Variants in GLDC observed in about 807,000 individuals in gnomAD.
GLDC encodes glycine dehydrogenase (decarboxylating), mitochondrial.
In GLDC, 104 loss-of-function variants were observed where a neutral mutation model predicts 121.3. The ratio of observed to expected loss-of-function variants is 0.86; its 90% CI spans 0.73 to 1.01. The LOEUF (loss-of-function observed/expected upper bound fraction) is 1.01, where lower values mean the gene tolerates loss of function less well. Ranked by LOEUF, GLDC falls within the 50% of genes least tolerant of loss-of-function variation. The pLI is 0.00. For missense variants in GLDC, 1,429 were observed against 1,306.6 expected (o/e 1.09, Z -1.44); for synonymous variants, 546 against 480.6 (o/e 1.14, Z -1.78).
chr9:6,575,862 T>C (rs570238335), intron 15 of GLDC, among the ~76,000 whole-genome samples: 8 of 152,210 alleles, frequency 5.3e-5, no homozygotes, highest in Non-Finnish European at 8.8e-5. Context: ...CAAAGTGTTA[T>C]GGAGAAAAAG....
intron 18 of GLDC, chr9:6,555,011 T>A (rs753857149): frequency 1.4e-5 from 8 of 591,976 alleles, no homozygotes; most frequent in African/African-American, 3.7e-5. Flanking sequence ...ACTGACCATT[T>A]AGTCCAATTT....
At position 6,644,613 on chromosome 9, in the gene GLDC, C is replaced by A. The variant is rs978795483; in HGVS notation, c.334+1G>T. The A allele has an allele frequency of 1.1e-5, 18 of 1,606,684 alleles. No individual in the cohort carries two copies. Among genetic ancestry groups the A allele is most frequent in the Non-Finnish European group, 1.4e-5 (17 of 1,173,280 alleles). ...CCAAGGGAGCCCTCCCGGCCACTTA[C>A]AAACAGGGTCTTCCATTTTCAAGGG... is the stretch of plus-strand genomic sequence containing the variant. On this transcript the variant is annotated splice_donor_variant, in intron 2 of 24. Coordinates refer to ENST00000321612, the MANE Select transcript of GLDC (RefSeq NM_000170.3). LOFTEE classifies it high-confidence loss of function.
chr9:6,615,911 C>A (rs1312690355), intron 3 of GLDC, among the ~76,000 whole-genome samples: 1 of 152,068 alleles, frequency 6.6e-6, no homozygotes, highest in African/African-American at 2.4e-5. Context: ...CCGCACCTGG[C>A]CTAATCAGGA....
chr9:6,561,084 TTTAGCCCAGTGAAACCAATTTCTGACACC>T (rs2129743711), intron 16 of GLDC, among the ~76,000 whole-genome samples: 1 of 152,336 alleles, frequency 6.6e-6, no homozygotes, highest in Non-Finnish European at 1.5e-5. Flanking sequence ...ACACTTTGAC[TTTAGCCCAGTGAAACCAATTTCTGACACC>T]TGGCCTCTGC....
At position 6,589,609 on chromosome 9, in the gene GLDC, T is replaced by C. The variant is rs555976546; in HGVS notation, c.1483-317A>G. ...CACCTGGCTGATTTTTGTATTTTTC[T>C]AGAGACGATGTTTCACCATGCCGCC... On this transcript the variant is annotated intron_variant, in intron 11 of 24. Transcript: ENST00000321612. Among the ~76,000 whole-genome samples, 37 of 152,146 alleles carry C rather than the reference T, an allele frequency of 2.4e-4. 1 individual carries two copies. The South Asian group carries it at 6.8e-3, about 28-fold the overall frequency.
intron 22 of GLDC, among the ~76,000 whole-genome samples, chr9:6,537,400 C>T (rs1044801427): frequency 7.2e-5 from 11 of 152,208 alleles, no homozygotes; most frequent in Non-Finnish European, 2.9e-5. Context: ...CAGTGGTTCT[C>T]AAATTCTGGT....
chr9:6,551,179 C>T (rs887335660), intron 20 of GLDC, among the ~76,000 whole-genome samples: 3 of 152,228 alleles, frequency 2.0e-5, no homozygotes, highest in African/African-American at 7.2e-5. Context: ...AAGCTGACTA[C>T]TGACTACTGT....
chr9:6,546,777 C>G (rs1482476877), intron 21 of GLDC, among the ~76,000 whole-genome samples: 2 of 151,752 alleles, frequency 1.3e-5, no homozygotes, highest in African/African-American at 4.8e-5. Flanking sequence ...GCCCGGGCAA[C>G]AGGATGAAAC....
At chr9:6,597,701 C>T (rs942143825) in intron 8 of GLDC, among the ~76,000 whole-genome samples, 9 of 152,164 alleles carry the variant, frequency 5.9e-5, no homozygotes, top group African/African-American at 2.2e-4. Flanking sequence ...CTTTGGGAGG[C>T]TGAGGCAGGT....
At chr9:6,543,894 G>T (rs571471986) in intron 21 of GLDC, among the ~76,000 whole-genome samples, 14 of 149,398 alleles carry the variant, frequency 9.4e-5, no homozygotes, top group African/African-American at 2.6e-4. Flanking sequence ...AGGACAGGAG[G>T]GGGGGGGATG....
intron 5 of GLDC, chr9:6,605,500 A>G: frequency 3.4e-6 from 2 of 590,938 alleles, no homozygotes; most frequent in Non-Finnish European, 6.2e-6. Flanking sequence ...CTATCCTCTG[A>G]CTCCCCTTTG....
chr9:6,563,378 T>C (rs751143290), intron 16 of GLDC, among the ~76,000 whole-genome samples: 1 of 152,274 alleles, frequency 6.6e-6, no homozygotes, highest in African/African-American at 2.4e-5. Flanking sequence ...CACTGCTTTC[T>C]GCGGCCTCTC....
At chr9:6,544,772 T>C (rs1444477344) in intron 21 of GLDC, among the ~76,000 whole-genome samples, 2 of 152,072 alleles carry the variant, frequency 1.3e-5, no homozygotes, top group African/African-American at 4.8e-5. Context: ...CCTATAAAAG[T>C]AGACAGCTGT....
rs751197838 is a variant in GLDC at position 6,605,214 on chromosome 9, T to C, written c.778A>G (p.Ser260Gly). Residue 260 changes from serine to glycine, a missense_variant, in exon 6 of 25, where the codon AGT becomes GGT. Physicochemically the swap from Ser to Gly is moderately conservative, Grantham distance 56 (BLOSUM62 0). Coordinates refer to ENST00000321612, the MANE Select transcript of GLDC (RefSeq NM_000170.3). ...TCTGGGTACTGGAACAACACTCCAC[T>C]GACATCTTTTCCACTGAAGTCCATT... is the stretch of plus-strand genomic sequence containing the variant. ...CEMDFSGKDV[S>G]GVLFQYPDTE... 4 of 1,613,714 alleles carry C rather than the reference T, an allele frequency of 2.5e-6. No individual in the cohort carries two copies. The South Asian group carries it at 3.3e-5, about 13-fold the overall frequency.
chr9:6,602,125 T>C lies in GLDC; in HGVS notation c.1139A>G (p.Asn380Ser). ...GTGATTTACCTGAGCTGTACAGATG[T>C]TGCTGGTAGCCTTGTCTCTCCGAAT... ...QHIRRDKATSNICTAQALLAN... is the reference protein window; with the variant it reads ...QHIRRDKATSSICTAQALLAN... The change falls in exon 8 of 25, where the codon AAC becomes AGC. Residue 380 changes from asparagine to serine, a missense_variant. Asn to Ser is a conservative substitution (Grantham distance 46). Coordinates refer to ENST00000321612, the MANE Select transcript of GLDC (RefSeq NM_000170.3). 1 of 1,608,900 alleles carries C rather than the reference T, an allele frequency of 6.2e-7. No individual in the cohort carries two copies.
At chr9:6,533,584 C>T (rs1817046261) in intron 24 of GLDC, among the ~76,000 whole-genome samples, 1 of 151,776 alleles carries the variant, frequency 6.6e-6, no homozygotes, top group Non-Finnish European at 1.5e-5. Context: ...CTCGGCTGGG[C>T]GCAGTGGCTC....
intron 2 of GLDC, among the ~76,000 whole-genome samples, chr9:6,630,596 G>A (rs1819355708): frequency 1.3e-5 from 2 of 152,192 alleles, no homozygotes; most frequent in South Asian, 4.1e-4. Flanking sequence ...CTGCTAGAGG[G>A]TAAGGGGAAA....
At chr9:6,623,266 T>C (rs553899238) in intron 2 of GLDC, among the ~76,000 whole-genome samples, 1,969 of 140,106 alleles carry the variant, frequency 0.014, 23 homozygotes, top group Non-Finnish European at 0.02. Context: ...TTTTGTTCTG[T>C]ACTAAGAAAA....
intron 2 of GLDC, among the ~76,000 whole-genome samples, chr9:6,638,634 G>A (rs1043543304): frequency 1.3e-5 from 2 of 148,994 alleles, no homozygotes; most frequent in African/African-American, 4.9e-5. Context: ...ATGGCACCTA[G>A]AACTTTTTAA....
Sources: allele counts gnomAD v4.1 joint callset (sites outside exome capture counted in the v4.1 genomes callset), GRCh38; gene constraint gnomAD v4.1.1; transcripts MANE v1.5; gene names NCBI Gene and HGNC (gene_info 2026-07-23, HGNC 2026-07-21).